The following PRKN variants were observed in gnomAD, a reference collection of about 807,000 sequenced individuals.
The protein encoded by PRKN is parkin RBR E3 ubiquitin protein ligase.
PRKN carries 56 observed loss-of-function variants against 59.5 expected under a neutral mutation model. The observed-to-expected ratio is 0.94, with a 90% CI of 0.76 to 1.18. The LOEUF (loss-of-function observed/expected upper bound fraction) is 1.18. Among genes scored for constraint, PRKN ranks in the 50% most tolerant of loss-of-function variants. PRKN has a pLI of 0.00. For missense variants in PRKN, 657 were observed against 596.4 expected (o/e 1.10, Z -1.06); for synonymous variants, 250 against 222.1 (o/e 1.13, Z -1.12).
chr6:162,463,473 T>TA (rs1791265677), intron 1 of PRKN, among the ~76,000 whole-genome samples: 1 of 152,132 alleles, frequency 6.6e-6, no homozygotes, highest in African/African-American at 2.4e-5. Context: ...AAGACAAAGG[T>TA]AGTGTCTTCC....
rs182240816 is a variant in PRKN, at chr6:161,409,186, C to T, written c.1084-22309G>A. On this transcript the variant is annotated intron_variant, in intron 9 of 11. Coordinates refer to ENST00000366898, the MANE Select transcript of PRKN (RefSeq NM_004562.3). This position sits in a 1 kb window ranked among gnomAD's most constrained non-coding sequence, Gnocchi z 4.6. ...GTCTCGAACTCCTGACCTTGTGATC[C>T]ACCCGCACTGGACTCCCAAACTGCT... Among the ~76,000 whole-genome samples, 608 of 152,202 alleles carry T rather than the reference C, an allele frequency of 4.0e-3. 1 individual carries two copies. The highest frequency in any genetic ancestry group is 6.2e-3 in the Non-Finnish European group (424 of 68,010).
At position 161,462,589 on chromosome 6, in the gene PRKN, C is replaced by G. The variant is rs965700541; in HGVS notation, c.1084-75712G>C. 3.9e-5 allele frequency among the ~76,000 whole-genome samples: 6 copies of G among 151,932 alleles called. No individual in the cohort carries two copies. Among genetic ancestry groups the G allele is most frequent in the Admixed American group, 3.9e-4 (6 of 15,274 alleles). On this transcript the variant is annotated intron_variant, in intron 9 of 11. Transcript: ENST00000366898. The surrounding 1 kb of genome is among the most constrained non-coding windows in gnomAD (Gnocchi z 4.5). ...TGTCTGATCAGCAATATAGCTCACCCTTATTTTAAAAGGTCTACTTTGAAT... is the reference window on the plus strand; with the variant it reads ...TGTCTGATCAGCAATATAGCTCACCGTTATTTTAAAAGGTCTACTTTGAAT...
intron 2 of PRKN, among the ~76,000 whole-genome samples, chr6:162,379,154 T>C (rs1191803214): frequency 6.6e-6 from 1 of 152,164 alleles, no homozygotes; most frequent in Non-Finnish European, 1.5e-5. Flanking sequence ...AAACTATATT[T>C]GGCCTAAAGT....
chr6:161,858,467 C>T (rs968495290), intron 6 of PRKN, among the ~76,000 whole-genome samples: 9 of 152,116 alleles, frequency 5.9e-5, no homozygotes, highest in Non-Finnish European at 1.3e-4. Flanking sequence ...TGCACGAAAA[C>T]TGGACCTGCC....
intron 2 of PRKN, among the ~76,000 whole-genome samples, chr6:162,398,053 A>G (rs1787565316): frequency 1.3e-5 from 2 of 151,640 alleles, no homozygotes; most frequent in South Asian, 4.2e-4. Flanking sequence ...AAAAAAAAAA[A>G]AGAAAGATTT....
intron 7 of PRKN, among the ~76,000 whole-genome samples, chr6:161,779,001 A>G (rs925964540): frequency 6.6e-6 from 1 of 151,926 alleles, no homozygotes; most frequent in African/African-American, 2.4e-5. Flanking sequence ...CTGGAGTGCA[A>G]TGATCTCGGC....
intron 4 of PRKN, among the ~76,000 whole-genome samples, chr6:162,162,933 G>A (rs1446060000): frequency 6.7e-6 from 1 of 148,868 alleles, no homozygotes; most frequent in South Asian, 2.1e-4. Flanking sequence ...ACTTGAACCC[G>A]GGAGGCAGAG....
chr6:161,693,269 G>T (rs2128176358), intron 7 of PRKN, among the ~76,000 whole-genome samples: 1 of 152,196 alleles, frequency 6.6e-6, no homozygotes, highest in Middle Eastern at 3.4e-3. Context: ...GATTTTTTCT[G>T]TCTTTTAATT....
intron 2 of PRKN, among the ~76,000 whole-genome samples, chr6:162,303,974 G>A (rs1782088860): frequency 6.6e-6 from 1 of 151,874 alleles, no homozygotes; most frequent in Non-Finnish European, 1.5e-5. Flanking sequence ...TATGTTAAAG[G>A]TCCAAATACA....
intron 5 of PRKN, among the ~76,000 whole-genome samples, chr6:162,046,664 T>C (rs914160682): frequency 1.3e-5 from 2 of 152,218 alleles, no homozygotes; most frequent in Non-Finnish European, 2.9e-5. Context: ...ATGAAGAAGA[T>C]GGCTGTTAAT....
At chr6:161,832,544 A>G (rs1792546613) in intron 6 of PRKN, among the ~76,000 whole-genome samples, 1 of 150,284 alleles carries the variant, frequency 6.7e-6, no homozygotes, top group African/African-American at 2.5e-5. Context: ...GAATCGCTTG[A>G]ACCCAGGAGG....
chr6:162,112,562 C>T (rs1780485150), intron 4 of PRKN, among the ~76,000 whole-genome samples: 2 of 152,132 alleles, frequency 1.3e-5, no homozygotes, highest in African/African-American at 4.8e-5. Flanking sequence ...TGGATATGCA[C>T]TCCCCAACCT....
chr6:161,802,480 A>C (rs1298740084), intron 6 of PRKN, among the ~76,000 whole-genome samples: 4 of 146,396 alleles, frequency 2.7e-5, no homozygotes, highest in South Asian at 2.2e-4. Flanking sequence ...CACGCCCCCC[A>C]CACACCCCAC....
At chr6:161,608,603 G>A (rs578146646) in intron 7 of PRKN, among the ~76,000 whole-genome samples, 2 of 151,900 alleles carry the variant, frequency 1.3e-5, no homozygotes, top group Non-Finnish European at 2.9e-5. Flanking sequence ...CGTGATCTTG[G>A]CTCACTGCAA....
intron 7 of PRKN, among the ~76,000 whole-genome samples, chr6:161,752,987 A>G (rs1386763096): frequency 6.6e-6 from 1 of 152,192 alleles, no homozygotes; most frequent in African/African-American, 2.4e-5. Flanking sequence ...ACAGTGTCAG[A>G]GGAACAGGTG....
At chr6:162,341,280 G>A (rs935625017) in intron 2 of PRKN, among the ~76,000 whole-genome samples, 2 of 152,272 alleles carry the variant, frequency 1.3e-5, no homozygotes, top group South Asian at 4.1e-4. Context: ...AGGATGTGGA[G>A]AAATAGAAAC....
At position 161,552,402 on chromosome 6, in the gene PRKN, CTG is replaced by C. The variant is rs1186755293; in HGVS notation, c.934-3401_934-3400del. On this transcript the variant is annotated intron_variant, in intron 8 of 11. Coordinates refer to ENST00000366898, the MANE Select transcript of PRKN (RefSeq NM_004562.3). This position sits in a 1 kb window ranked among gnomAD's most constrained non-coding sequence, Gnocchi z 4.9. ...CAGCTCTGTTCACCTCCACCTATGACTGTGAATGATCTCACGGTGATCCTCCA... is the reference window on the plus strand; with the variant it reads ...CAGCTCTGTTCACCTCCACCTATGACTGAATGATCTCACGGTGATCCTCCA... Among the ~76,000 whole-genome samples, 832 of 68,816 alleles carry C rather than the reference CTG, an allele frequency of 0.012. 180 individuals carry two copies. The highest frequency in any genetic ancestry group is 0.033 in the African/African-American group (741 of 22,718). The allele number at this position is 68,816 out of a possible 152,430, so 45.1% of individuals were successfully genotyped here. A position where few individuals can be genotyped will look rare whatever the true frequency, so the allele number is the denominator to read the frequency against.
intron 7 of PRKN, among the ~76,000 whole-genome samples, chr6:161,662,383 G>A (rs1346976600): frequency 1.3e-5 from 2 of 152,172 alleles, no homozygotes; most frequent in African/African-American, 2.4e-5. Flanking sequence ...TGGGAGAATG[G>A]ACTTTGTTGT....
chr6:162,618,821 T>C (rs1453964613), intron 1 of PRKN, among the ~76,000 whole-genome samples: 3 of 152,290 alleles, frequency 2.0e-5, no homozygotes, highest in Non-Finnish European at 2.9e-5. Flanking sequence ...GGATATTACA[T>C]GTGTAGAGAA....
Sources: gnomAD v4.1 joint callset for allele counts (sites outside exome capture counted in the v4.1 genomes callset) on GRCh38, gnomAD v4.1.1 for gene constraint, Gnocchi (gnomAD v3.1) non-coding constraint, MANE v1.5 for transcripts, NCBI Gene and HGNC (gene_info 2026-07-23, HGNC 2026-07-21) for gene names.